Variants in TENM3 observed in about 807,000 individuals in gnomAD.
TENM3 encodes the protein teneurin transmembrane protein 3.
TENM3 carries 63 observed loss-of-function variants against 255.1 expected under a neutral mutation model. That is an observed-to-expected ratio of 0.25 (90% confidence interval 0.20 to 0.30). The LOEUF is 0.30. Among genes scored for constraint, TENM3 ranks in the 10% least tolerant of loss-of-function variants. The probability of loss-of-function intolerance (pLI) is 1.00; values close to 1 mark genes in which losing one functional copy is unlikely to be tolerated. For missense variants in TENM3, 2,929 were observed against 3,461.1 expected, an observed-to-expected ratio of 0.85 and a Z score of 3.86; for synonymous variants, 1,306 against 1,322.3, an observed-to-expected ratio of 0.99 and a Z score of 0.27.
chr4:181,907,497 C>T, the TENM3 span, among the ~76,000 whole-genome samples: 18 of 152,296 alleles, frequency 1.2e-4, no homozygotes, highest in African/African-American at 3.9e-4. Context: ...CAGGCCAGGA[C>T]ACAGAGGCAT....
At chr4:182,547,942 G>C (rs1741611150) in intron 3 of TENM3, among the ~76,000 whole-genome samples, 1 of 151,960 alleles carries the variant, frequency 6.6e-6, no homozygotes, top group African/African-American at 2.4e-5. Flanking sequence ...CCAAGGCCAG[G>C]CACGATGGCT....
intron 3 of TENM3, among the ~76,000 whole-genome samples, chr4:182,526,325 A>G (rs549317111): frequency 9.2e-4 from 140 of 152,038 alleles, no homozygotes; most frequent in African/African-American, 3.0e-3. Flanking sequence ...GTCCCTAACT[A>G]TCCCATTTCA....
chr4:182,261,344 G>T (rs1487032610), intron 1 of TENM3, among the ~76,000 whole-genome samples: 1 of 152,126 alleles, frequency 6.6e-6, no homozygotes, highest in African/African-American at 2.4e-5. Flanking sequence ...GCACTAAAAT[G>T]AACATTGCCC....
chr4:182,087,915 T>C, the TENM3 span, among the ~76,000 whole-genome samples: 1 of 152,180 alleles, frequency 6.6e-6, no homozygotes, highest in Non-Finnish European at 1.5e-5. Flanking sequence ...AGTCTGTCAT[T>C]CATCTTTGTA....
chr4:182,453,610 A>T (rs1773650192), intron 3 of TENM3, among the ~76,000 whole-genome samples: 1 of 152,172 alleles, frequency 6.6e-6, no homozygotes, highest in South Asian at 2.1e-4. Context: ...TATTAACTTA[A>T]AATTTGTAAA....
chr4:182,125,770 T>C, the TENM3 span, among the ~76,000 whole-genome samples: 1 of 47,664 alleles, frequency 2.1e-5, no homozygotes, highest in Non-Finnish European at 3.9e-5. Flanking sequence ...TTCCTTGCCT[T>C]TTTTTTTTTT....
the TENM3 span, among the ~76,000 whole-genome samples, chr4:182,112,204 TG>T: frequency 1.3e-5 from 2 of 152,102 alleles, no homozygotes; most frequent in Non-Finnish European, 2.9e-5. Context: ...TTCCAAATAT[TG>T]GACTTTTTAT....
At chr4:182,770,970 G>A (rs1764157314) in intron 22 of TENM3, among the ~76,000 whole-genome samples, 1 of 152,138 alleles carries the variant, frequency 6.6e-6, no homozygotes, top group Non-Finnish European at 1.5e-5. Context: ...TGTTAAGCTG[G>A]GCCGCTAGGA....
chr4:181,466,393 G>C, the TENM3 span, among the ~76,000 whole-genome samples: 1 of 152,100 alleles, frequency 6.6e-6, no homozygotes, highest in Non-Finnish European at 1.5e-5. Flanking sequence ...TGGGATTACA[G>C]GCATGAGCCA....
chr4:181,665,659 A>G, the TENM3 span, among the ~76,000 whole-genome samples: 1 of 152,110 alleles, frequency 6.6e-6, no homozygotes, highest in Non-Finnish European at 1.5e-5. Context: ...ATACATATAC[A>G]GACATATTAT....
chr4:181,875,229 C>G, the TENM3 span, among the ~76,000 whole-genome samples: 1 of 152,112 alleles, frequency 6.6e-6, no homozygotes, highest in East Asian at 1.9e-4. Context: ...CAGTTAATAC[C>G]TATTATTAAT....
intron 13 of TENM3, among the ~76,000 whole-genome samples, chr4:182,725,642 T>TTTC (rs1760105904): frequency 6.8e-6 from 1 of 148,144 alleles, no homozygotes; most frequent in South Asian, 2.2e-4. Flanking sequence ...TTTTCTTTTT[T>TTTC]TTTTTTTCTT....
At chr4:182,264,188 A>T (rs1759077084) in intron 1 of TENM3, among the ~76,000 whole-genome samples, 1 of 152,264 alleles carries the variant, frequency 6.6e-6, no homozygotes, top group South Asian at 2.1e-4. Context: ...GCTAGTCTTA[A>T]GCTGCTGTAT....
the TENM3 span, among the ~76,000 whole-genome samples, chr4:181,494,641 G>A: frequency 1.3e-5 from 2 of 152,160 alleles, no homozygotes; most frequent in African/African-American, 4.8e-5. Flanking sequence ...GGTCTTACAC[G>A]TAAAATGTTT....
chr4:181,875,767 T>G, the TENM3 span, among the ~76,000 whole-genome samples: 1 of 152,176 alleles, frequency 6.6e-6, no homozygotes, highest in Non-Finnish European at 1.5e-5. Context: ...GATTTGTTCT[T>G]AATTCTGGAG....
chr4:182,767,757 C>T (rs1389050495), intron 22 of TENM3, among the ~76,000 whole-genome samples: 2 of 152,190 alleles, frequency 1.3e-5, no homozygotes, highest in Admixed American at 6.5e-5. Context: ...GTGTAACCCA[C>T]GAAGCAGCTC....
At chr4:182,239,805 A>T (rs1017456041), upstream of TENM3, among the ~76,000 whole-genome samples, 1 of 152,202 alleles carries the variant, frequency 6.6e-6, no homozygotes, top group Non-Finnish European at 1.5e-5. Context: ...AAAAAGCTTT[A>T]CTGGAAAAAA....
chr4:181,453,836 A>G, the TENM3 span, among the ~76,000 whole-genome samples: 4 of 152,108 alleles, frequency 2.6e-5, no homozygotes, highest in Non-Finnish European at 4.4e-5. Flanking sequence ...CCAGCACAGG[A>G]ATGCTCCAAG....
the TENM3 span, among the ~76,000 whole-genome samples, chr4:181,486,245 C>T: frequency 6.6e-6 from 1 of 152,146 alleles, no homozygotes; most frequent in Admixed American, 6.6e-5. Context: ...AATGCTTGCT[C>T]TGATGAAGGG....
Sources: allele counts gnomAD v4.1 joint callset (sites outside exome capture counted in the v4.1 genomes callset), GRCh38; gene constraint gnomAD v4.1.1; transcripts MANE v1.5; gene names NCBI Gene and HGNC (gene_info 2026-07-23, HGNC 2026-07-21).